Variants in DHX32 observed in about 807,000 individuals in gnomAD.
DHX32 encodes the protein DEAH-box helicase 32 (putative), also known as putative pre-mRNA-splicing factor ATP-dependent RNA helicase DHX32.
Under a neutral mutation model 70.0 loss-of-function variants are expected in DHX32, and 51 were observed. The observed-to-expected ratio is 0.73, with a 90% CI of 0.58 to 0.92. The LOEUF (loss-of-function observed/expected upper bound fraction) is 0.92. Among genes scored for constraint, DHX32 ranks in the 40% least tolerant of loss-of-function variants. The probability of loss-of-function intolerance (pLI) is 0.00; values close to 1 mark genes in which losing one functional copy is unlikely to be tolerated. For synonymous variants in DHX32, 310 were observed against 315.3 expected, an observed-to-expected ratio of 0.98 and a Z score of 0.18; for missense variants, 762 against 891.8, an observed-to-expected ratio of 0.85 and a Z score of 1.85.
intron 1 of DHX32, among the ~76,000 whole-genome samples, chr10:125,877,605 TG>T (rs1381873162): frequency 2.0e-5 from 3 of 152,112 alleles, no homozygotes; most frequent in South Asian, 4.1e-4. Context: ...AAGAATTGCT[TG>T]AACCGGGAGA....
At chr10:125,852,170 C>A in intron 6 of DHX32, 123 bp downstream of exon 6, 1 of 1,275,586 alleles carries the variant, frequency 7.8e-7, no homozygotes. Flanking sequence ...TGCTTCAGTC[C>A]AAACCAACGC....
intron 6 of DHX32, among the ~76,000 whole-genome samples, chr10:125,847,407 T>C (rs1180454302): frequency 6.6e-6 from 1 of 152,218 alleles, no homozygotes; most frequent in South Asian, 2.1e-4. Flanking sequence ...TGCAACATAA[T>C]GCATTCTATA....
intron 2 of DHX32, among the ~76,000 whole-genome samples, chr10:125,860,236 C>G (rs927119782): frequency 1.3e-5 from 2 of 152,130 alleles, no homozygotes; most frequent in African/African-American, 2.4e-5. Flanking sequence ...AGTTAAAGAC[C>G]TCTGCCTAAA....
Position 125,836,561 on chromosome 10 carries a change from T to C in DHX32, c.*126A>G, listed in dbSNP as rs150024151. 1.6e-5 allele frequency: 21 copies of C among 1,352,688 alleles called. No individual in the cohort carries two copies. In the East Asian group the frequency reaches 5.3e-4, roughly 34 times the overall value. 83.8% of individuals were successfully genotyped at this position (1,352,688 alleles called of 1,614,324 possible). On this transcript the variant is annotated 3_prime_UTR_variant, in exon 11 of 11. Transcript: ENST00000284690. ...TTTTATTTTAAAATAATATACACAG[T>C]GTTATTTTCTTCAAGACCGTCCTGT...
intron 8 of DHX32, among the ~76,000 whole-genome samples, chr10:125,840,633 G>C (rs1323891824): frequency 6.6e-6 from 1 of 152,220 alleles, no homozygotes; most frequent in Non-Finnish European, 1.5e-5. Flanking sequence ...GTACAGGCCC[G>C]CCATGGTGGC....
At chr10:125,867,977 C>A (rs555956849) in intron 1 of DHX32, among the ~76,000 whole-genome samples, 1 of 152,102 alleles carries the variant, frequency 6.6e-6, no homozygotes, top group South Asian at 2.1e-4. Context: ...ATGATGATAA[C>A]AAATATCCAG....
intron 8 of DHX32, 24 bp downstream of exon 8, chr10:125,840,823 G>A: frequency 6.4e-7 from 1 of 1,550,590 alleles, no homozygotes; most frequent in Non-Finnish European, 8.7e-7. Context: ...GGAATTAATA[G>A]GTAGTTTCTG....
At chr10:125,853,727 T>G (rs2134046700) in intron 4 of DHX32, 1 of 472,430 alleles carries the variant, frequency 2.1e-6, no homozygotes. Flanking sequence ...CCTCAAAACT[T>G]TCTCCTTTGG....
chr10:125,878,126 C>A (rs1319275260), intron 1 of DHX32, among the ~76,000 whole-genome samples: 1 of 152,140 alleles, frequency 6.6e-6, no homozygotes, highest in Admixed American at 6.5e-5. Context: ...TATTTATTAA[C>A]TATCTAATGT....
intron 6 of DHX32, among the ~76,000 whole-genome samples, chr10:125,843,473 G>A (rs756994730): frequency 5.9e-5 from 9 of 152,222 alleles, no homozygotes; most frequent in East Asian, 3.9e-4. Flanking sequence ...TTAGCCGGGC[G>A]TGGTGGCAGG....
At chr10:125,878,562 C>T (rs1328026396) in intron 1 of DHX32, among the ~76,000 whole-genome samples, 1 of 152,194 alleles carries the variant, frequency 6.6e-6, no homozygotes, top group Non-Finnish European at 1.5e-5. Flanking sequence ...ATGAGGCATA[C>T]ATATTAATAC....
At chr10:125,895,658 C>A (rs1455034080) in intron 1 of DHX32, among the ~76,000 whole-genome samples, 1,149 of 152,292 alleles carry the variant, frequency 7.5e-3, no homozygotes, top group African/African-American at 0.026. Context: ...TGTTTCACAG[C>A]CCTACAAAGT....
Position 125,880,646 on chromosome 10 carries a change from T to C in DHX32, c.179A>G (p.Glu60Gly). Residue 60 changes from glutamate to glycine, a missense_variant, in exon 1 of 11, where the codon GAA (glutamate) becomes GGA (glycine). By Grantham distance (98) the Glu-to-Gly change is moderately conservative. This residue lies in a region of DHX32 where 394 missense variants were observed against 473.1 expected (regional missense o/e 0.83). Coordinates refer to ENST00000284690, the MANE Select transcript of DHX32 (RefSeq NM_018180.3). Reference sequence around the variant, plus strand: ...TTTTTCTTTCCATATAGGAAGATCTTCTCTTTCTTTCAGAAGTTTATAATA... The same window carrying C: ...TTTTTCTTTCCATATAGGAAGATCTCCTCTTTCTTTCAGAAGTTTATAATA... Reference protein sequence around the residue: ...SRYYKLLKEREDLPIWKEKYS... With the variant: ...SRYYKLLKERGDLPIWKEKYS... 6.2e-7 allele frequency: 1 copy of C among 1,614,206 alleles called. No homozygotes were observed. The highest frequency in any genetic ancestry group is 8.5e-7 in the Non-Finnish European group (1 of 1,180,030).
rs568624267 is a variant in DHX32, at chr10:125,880,925, C to T, written c.-101G>A. The T allele has an allele frequency of 2.5e-5, 34 of 1,360,124 alleles. No individual in the cohort carries two copies. Among genetic ancestry groups the T allele is most frequent in the Admixed American group, 2.0e-4 (9 of 43,908 alleles). 84.3% of individuals were successfully genotyped at this position (1,360,124 alleles called of 1,614,324 possible). ...GCTTAAAAGCCTATTTATACAAACCCGTATGTTCCAATCTCTAAGACTTCA... is the reference window on the plus strand; with the variant it reads ...GCTTAAAAGCCTATTTATACAAACCTGTATGTTCCAATCTCTAAGACTTCA... On this transcript the variant is annotated 5_prime_UTR_variant, in exon 1 of 11. Transcript: ENST00000284690.
chr10:125,867,026 G>A lies in DHX32; in HGVS notation c.440C>T (p.Pro147Leu). 6.2e-7 allele frequency: 1 copy of A among 1,614,200 alleles called. No individual in the cohort carries two copies. The highest frequency in any genetic ancestry group is 8.5e-7 in the Non-Finnish European group (1 of 1,180,016). The change falls in exon 2 of 11, where the codon CCT (proline) becomes CTT (leucine). Residue 147 changes from proline to leucine, a missense_variant. Around this residue, in one of 3 missense-constraint regions of DHX32, gnomAD observed 394 missense variants for 473.1 expected, o/e 0.83. Transcript: ENST00000284690. ...TTCGTTGGTACAGCAGTTCTCGAAA[G>A]GGATCACGTAGCCAACCTCATGACC... Reference protein sequence around the residue: ...NIGHEVGYVIPFENCCTNETI... With the variant: ...NIGHEVGYVILFENCCTNETI...
chr10:125,853,903 G>A (rs892738967), intron 4 of DHX32, 58 bp downstream of exon 4: 1 of 1,564,634 alleles, frequency 6.4e-7, no homozygotes, highest in Admixed American at 1.9e-5. Flanking sequence ...GTAGGAAACT[G>A]AGAAACTAGT....
intron 6 of DHX32, among the ~76,000 whole-genome samples, chr10:125,845,379 G>A (rs1944003860): frequency 6.6e-6 from 1 of 152,128 alleles, no homozygotes; most frequent in African/African-American, 2.4e-5. Flanking sequence ...TCCTCTCAAG[G>A]TAGCTGACAT....
At chr10:125,847,750 T>C (rs1564824829) in intron 6 of DHX32, among the ~76,000 whole-genome samples, 1 of 152,138 alleles carries the variant, frequency 6.6e-6, no homozygotes, top group Non-Finnish European at 1.5e-5. Context: ...TTCCTGTAAC[T>C]AGACGGTCCC....
chr10:125,891,572 ATT>A, intron 1 of DHX32, among the ~76,000 whole-genome samples: 1 of 152,344 alleles, frequency 6.6e-6, no homozygotes, highest in South Asian at 2.1e-4. Context: ...TATCTAAAAA[ATT>A]TGTTTAAAAA....
Sources: allele counts gnomAD v4.1 joint callset (sites outside exome capture counted in the v4.1 genomes callset), GRCh38; gene constraint gnomAD v4.1.1; regional missense constraint gnomAD v4.1.1; transcripts MANE v1.5; gene names NCBI Gene and HGNC (gene_info 2026-07-23, HGNC 2026-07-21).